BACH1: variants seen among roughly 807,000 people sequenced by gnomAD.
The protein encoded by BACH1 is BTB domain and CNC homolog 1.
Under a neutral mutation model 52.9 loss-of-function variants are expected in BACH1, and 35 were observed. The observed-to-expected ratio is 0.66, with a 90% confidence interval of 0.51 to 0.88. BACH1 has a LOEUF of 0.88. Among genes scored for constraint, BACH1 ranks in the 40% least tolerant of loss-of-function variants. The probability of loss-of-function intolerance (pLI) is 0.00; values close to 1 mark genes in which losing one functional copy is unlikely to be tolerated. For synonymous variants in BACH1, 321 were observed against 319.6 expected, an observed-to-expected ratio of 1.00 and a Z score of -0.05; for missense variants, 808 against 872.6, an observed-to-expected ratio of 0.93 and a Z score of 0.93.
At position 29,326,162 on chromosome 21, in the gene BACH1, T is replaced by C; in HGVS notation, c.338T>C (p.Leu113Ser). ...VDEVCKCVEF[L>S]SVHNIEESCF... ...GAAGTGTGCAAATGTGTGGAGTTTT[T>C]AAGTGTACATAATATTGAGGAATCC... Residue 113 changes from leucine to serine, a missense_variant, in exon 3 of 5, where the codon TTA becomes TCA. Coordinates refer to ENST00000286800, the MANE Select transcript of BACH1 (RefSeq NM_001186.4). 6.2e-7 allele frequency: 1 copy of C among 1,614,194 alleles called. No individual in the cohort carries two copies. Among genetic ancestry groups the C allele is most frequent in the Non-Finnish European group, 8.5e-7 (1 of 1,180,030 alleles).
At position 29,326,743 on chromosome 21, in the gene BACH1, A is replaced by C. The variant is rs1388503901; in HGVS notation, c.919A>C (p.Thr307Pro). The C allele has an allele frequency of 3.1e-6, 5 of 1,613,830 alleles. No individual in the cohort carries two copies. Among genetic ancestry groups the C allele is most frequent in the Non-Finnish European group, 4.2e-6 (5 of 1,180,004 alleles). Residue 307 changes from threonine (T) to proline (P), a missense_variant, in exon 3 of 5, where the codon ACT (threonine) becomes CCT (proline). Physicochemically the swap from Thr to Pro is conservative, Grantham distance 38. Transcript: ENST00000286800. ...SQCPTEKSEV[T>P]PFPHNSSIDP... ...GTGCCCAACTGAAAAATCAGAAGTG[A>C]CTCCTTTCCCCCACAATTCTTCCAT...
rs2088815396 is a variant in BACH1, at chr21:29,318,692, A to AC, written c.-60-2528dup. Among the ~76,000 whole-genome samples, 4 of 152,324 alleles carry AC rather than the reference A, an allele frequency of 2.6e-5. No individual in the cohort carries two copies. In the South Asian group the frequency reaches 8.3e-4, roughly 32 times the overall value. ...GTGGCAGGATGAGAAGCGGTGGGCC[A>AC]CAGATGTATGTAGTTGACTACTAGC... is the stretch of plus-strand genomic sequence containing the variant. On this transcript the variant is annotated intron_variant, in intron 1 of 4. Transcript: ENST00000286800.
chr21:29,347,277 C>T (rs1307504606), downstream of BACH1, among the ~76,000 whole-genome samples: 5 of 152,290 alleles, frequency 3.3e-5, no homozygotes, highest in South Asian at 1.0e-3. Context: ...AATCCATCCA[C>T]CGGTCACCTT....
At chr21:29,315,874 T>C (rs1431745149) in intron 1 of BACH1, among the ~76,000 whole-genome samples, 2 of 152,196 alleles carry the variant, frequency 1.3e-5, no homozygotes, top group Admixed American at 6.5e-5. Context: ...GGACAGTCTT[T>C]TATTTGTGTT....
chr21:29,333,336 TGAGA>T (rs1176212662), intron 4 of BACH1, among the ~76,000 whole-genome samples: 1 of 152,122 alleles, frequency 6.6e-6, no homozygotes, highest in Non-Finnish European at 1.5e-5. Flanking sequence ...CATGGAGAGT[TGAGA>T]AAGAGGAAGG....
chr21:29,352,142 C>T (rs954475266), intron 2 of BACH1, among the ~76,000 whole-genome samples: 1 of 151,448 alleles, frequency 6.6e-6, no homozygotes, highest in Non-Finnish European at 1.5e-5. Context: ...GCAACCTCTG[C>T]CTCCTGGGTT....
intron 1 of BACH1, among the ~76,000 whole-genome samples, chr21:29,313,978 C>T (rs2088758359): frequency 2.6e-5 from 4 of 152,084 alleles, no homozygotes; most frequent in Admixed American, 2.6e-4. Flanking sequence ...CTATATAAAT[C>T]ATACCTCAAA....
At position 29,342,446 on chromosome 21, in the gene BACH1, A is replaced by G; in HGVS notation, c.1824A>G (p.Ser608=). ...SLLKERDHIL[S]TLGETKQNLT... ...TGAAGGAAAGAGATCACATTTTGTC[A>G]ACTCTGGGTGAGACAAAGCAGAACC... Residue 608 remains serine, a synonymous_variant, in exon 5 of 5, where the codon TCA becomes TCG. Transcript: ENST00000286800. 6.2e-7 allele frequency: 1 copy of G among 1,614,172 alleles called. No individual in the cohort carries two copies. Among genetic ancestry groups the G allele is most frequent in the African/African-American group, 1.3e-5 (1 of 75,052 alleles).
chr21:29,353,528 T>C lies in BACH1; in HGVS notation c.472+23835T>C, dbSNP rs185396754. ...TGCCAAAATTCACCTCCATCTCCTT[T>C]GCAGCATTTGAGAAGGAACTGGCCA... On this transcript the variant is annotated intron_variant, in intron 2 of 4. Transcript: ENST00000422809. 1.7e-3 allele frequency among the ~76,000 whole-genome samples: 255 copies of C among 152,322 alleles called. 2 individuals are homozygous for C. The highest frequency in any genetic ancestry group is 5.6e-3 in the African/African-American group (231 of 41,562).
chr21:29,353,237 T>C (rs1409242868), intron 2 of BACH1, among the ~76,000 whole-genome samples: 2 of 152,184 alleles, frequency 1.3e-5, no homozygotes, highest in Admixed American at 6.5e-5. Flanking sequence ...TGGTTACACA[T>C]TGCAAATTAT....
At position 29,345,807 on chromosome 21, in the gene BACH1, G is replaced by T. The variant is rs1448922613; in HGVS notation, c.*2974G>T. 1 of 152,500 alleles carries T rather than the reference G, an allele frequency of 6.6e-6. No homozygotes were observed. The highest frequency in any genetic ancestry group is 1.5e-5 in the Non-Finnish European group (1 of 67,970). 9.4% of individuals were successfully genotyped at this position (152,500 alleles called of 1,614,324 possible). On this transcript the variant is annotated 3_prime_UTR_variant, in exon 5 of 5. Coordinates refer to ENST00000286800, the MANE Select transcript of BACH1 (RefSeq NM_001186.4). ...TTTTGAATCTGTAAATATTTTAAAT[G>T]TTTTATTAAGGCATGTAATAAACTA...
intron 2 of BACH1, among the ~76,000 whole-genome samples, chr21:29,323,721 C>T (rs2088876001): frequency 6.6e-6 from 1 of 152,318 alleles, no homozygotes. Context: ...TATTAACTGT[C>T]ACACTGATGT....
intron 2 of BACH1, among the ~76,000 whole-genome samples, chr21:29,357,545 A>G (rs370617978): frequency 6.6e-6 from 1 of 152,158 alleles, no homozygotes; most frequent in East Asian, 1.9e-4. Flanking sequence ...CTAGTATGCC[A>G]TTTACATCAT....
chr21:29,330,128 A>G (rs555092707), intron 4 of BACH1, among the ~76,000 whole-genome samples: 2 of 152,284 alleles, frequency 1.3e-5, no homozygotes, highest in Admixed American at 6.5e-5. Flanking sequence ...TTAATATCTA[A>G]TGGGATCCTA....
At position 29,298,946 on chromosome 21, in the gene BACH1, C is replaced by G. The variant is rs1341982661; in HGVS notation, c.-68C>G. ...CAGTCAGTCGGGCCGCGCCGCGCCT[C>G]AGCTCTGGTGAGTGGCTCGGCCGTC... is the stretch of plus-strand genomic sequence containing the variant. On this transcript the variant is annotated 5_prime_UTR_variant, in exon 1 of 5. Transcript: ENST00000286800. The G allele has an allele frequency of 1.3e-5, 2 of 151,868 alleles. No individual in the cohort carries two copies. Among genetic ancestry groups the G allele is most frequent in the African/African-American group, 4.8e-5 (2 of 41,346 alleles). 9.4% of individuals were successfully genotyped at this position (151,868 alleles called of 1,614,324 possible). A position where few individuals can be genotyped will look rare whatever the true frequency, so the allele number is the denominator to read the frequency against.
At chr21:29,308,014 G>A (rs1022582737) in intron 1 of BACH1, among the ~76,000 whole-genome samples, 2 of 152,172 alleles carry the variant, frequency 1.3e-5, no homozygotes, top group African/African-American at 4.8e-5. Context: ...AATTTAGAAA[G>A]ACTTGTACTA....
chr21:29,327,834 AAC>A (rs2088932914), intron 3 of BACH1, among the ~76,000 whole-genome samples: 1 of 152,208 alleles, frequency 6.6e-6, no homozygotes, highest in Non-Finnish European at 1.5e-5. Flanking sequence ...ATTTTTTAAA[AAC>A]ACTGTGTGAT....
rs548727029 is a variant in BACH1 at position 29,323,268 on chromosome 21, G to A, written c.234+1754G>A. On this transcript the variant is annotated intron_variant, in intron 2 of 4. Transcript: ENST00000286800. ...TGGCTCACATGTTCACAAGGTGAAGGCCCATTATAGGCCACCTGCAAGCTG... is the reference window on the plus strand; with the variant it reads ...TGGCTCACATGTTCACAAGGTGAAGACCCATTATAGGCCACCTGCAAGCTG... Among the ~76,000 whole-genome samples, 7 of 152,276 alleles carry A rather than the reference G, an allele frequency of 4.6e-5. 1 individual carries two copies. The highest frequency in any genetic ancestry group is 1.7e-4 in the African/African-American group (7 of 41,542).
At chr21:29,317,006 AGC>A (rs1449347812) in intron 1 of BACH1, among the ~76,000 whole-genome samples, 5 of 152,234 alleles carry the variant, frequency 3.3e-5, no homozygotes, top group Non-Finnish European at 7.3e-5. Context: ...CGGGTTGCAC[AGC>A]AGGAGGTGAG....
Sources: allele counts gnomAD v4.1 joint callset (sites outside exome capture counted in the v4.1 genomes callset), GRCh38; gene constraint gnomAD v4.1.1; transcripts MANE v1.5; gene names NCBI Gene and HGNC (gene_info 2026-07-23, HGNC 2026-07-21).